The following SNX13 variants were observed in gnomAD, a reference collection of about 807,000 sequenced individuals.
The protein encoded by SNX13 is sorting nexin-13.
SNX13 carries 45 observed loss-of-function variants against 133.6 expected under a neutral mutation model. That is an observed-to-expected ratio of 0.34 (90% CI 0.27 to 0.43). SNX13 has a LOEUF of 0.43. Ranked by LOEUF, SNX13 falls within the 20% of genes least tolerant of loss-of-function variation. The pLI, the probability that SNX13 is intolerant of heterozygous loss-of-function variation, is 1.00. For missense variants in SNX13, 1,032 were observed against 1,145.1 expected, an observed-to-expected ratio of 0.90 and a Z score of 1.43; for synonymous variants, 414 against 373.9, an observed-to-expected ratio of 1.11 and a Z score of -1.24.
chr7:17,834,047 C>CT lies in SNX13; in HGVS notation c.1597+4dup. On this transcript the variant is annotated splice_donor_region_variant and intron_variant, in intron 15 of 25. Transcript: ENST00000428135. ...ATATTATGTGTAAAATGGGTGCCAC[C>CT]TTACCTCCATCCCCATCATCGGATC... The CT allele has an allele frequency of 6.5e-7, 1 of 1,539,652 alleles. No homozygotes were observed. Among genetic ancestry groups the CT allele is most frequent in the Non-Finnish European group, 8.8e-7 (1 of 1,136,656 alleles).
Position 17,875,562 on chromosome 7 carries a change from T to C in SNX13, c.582A>G (p.Val194=), listed in dbSNP as rs766653645. The C allele has an allele frequency of 1.9e-6, 3 of 1,611,838 alleles. No homozygotes were observed. Among genetic ancestry groups the C allele is most frequent in the South Asian group, 2.2e-5 (2 of 90,924 alleles). ...CAACTTCAACTTCAAAGAAGGTATC[T>C]ACAAGATCTTCTGCTGTACCTAAAG... is the stretch of plus-strand genomic sequence containing the variant. ...DQVKGTAEDL[V]DTFFEVEVEM... The change falls in exon 7 of 26, where the codon GTA becomes GTG. Residue 194 remains valine (V), a synonymous_variant. Coordinates refer to ENST00000428135, the MANE Select transcript of SNX13 (RefSeq NM_015132.5).
At chr7:17,819,970 G>A (rs574846770) in intron 18 of SNX13, among the ~76,000 whole-genome samples, 1 of 151,992 alleles carries the variant, frequency 6.6e-6, no homozygotes, top group African/African-American at 2.4e-5. Context: ...CACGTGAGCT[G>A]TTTGAAAAAG....
chr7:17,929,314 G>A (rs1247608294), intron 1 of SNX13, among the ~76,000 whole-genome samples: 3 of 152,082 alleles, frequency 2.0e-5, no homozygotes, highest in Non-Finnish European at 4.4e-5. Context: ...GTAACAGGCA[G>A]AAGACCCCAC....
At chr7:17,799,239 A>T in intron 22 of SNX13, 85 bp from the exon 23 acceptor site, 1 of 1,134,268 alleles carries the variant, frequency 8.8e-7, no homozygotes, top group Non-Finnish European at 1.2e-6. Context: ...GAAATGATTG[A>T]TATTTCACAA....
Position 17,803,532 on chromosome 7 carries a change from T to C in SNX13, c.2113A>G (p.Asn705Asp). The change falls in exon 21 of 26, where the codon AAT becomes GAT. Residue 705 changes from asparagine to aspartate, a missense_variant. By Grantham distance (23) the Asn-to-Asp change is conservative. Transcript: ENST00000428135. ...PLRNSMRNVSNAVKSLPDSLA... is the reference protein window; with the variant it reads ...PLRNSMRNVSDAVKSLPDSLA... ...CTATCAGGAAGGGATTTAACTGCAT[T>C]TGAAACATTCCTCATTGAATTGCGA... 1 of 1,612,024 alleles carries C rather than the reference T, an allele frequency of 6.2e-7. No individual in the cohort carries two copies. The highest frequency in any genetic ancestry group is 8.5e-7 in the Non-Finnish European group (1 of 1,179,074).
chr7:17,876,071 A>G (rs1794692574), intron 5 of SNX13, among the ~76,000 whole-genome samples: 1 of 152,246 alleles, frequency 6.6e-6, no homozygotes, highest in Non-Finnish European at 1.5e-5. Context: ...AATTTTTTCC[A>G]GTTAAATTTG....
intron 2 of SNX13, among the ~76,000 whole-genome samples, chr7:17,895,349 A>G (rs1388601431): frequency 6.6e-6 from 1 of 152,228 alleles, no homozygotes; most frequent in East Asian, 1.9e-4. Context: ...AGATGAAAGT[A>G]TCCTACAACA....
At chr7:17,916,584 A>G (rs1035905418) in intron 1 of SNX13, among the ~76,000 whole-genome samples, 3 of 152,106 alleles carry the variant, frequency 2.0e-5, no homozygotes, top group African/African-American at 7.2e-5. Flanking sequence ...GGAAACTCAC[A>G]AACTCCCAAA....
intron 18 of SNX13, among the ~76,000 whole-genome samples, chr7:17,818,657 G>A (rs1218143932): frequency 1.3e-5 from 2 of 151,818 alleles, no homozygotes; most frequent in Non-Finnish European, 2.9e-5. Flanking sequence ...TCAAAATTCA[G>A]CAAAAAAGAA....
intron 3 of SNX13, 63 bp from the exon 4 acceptor site, chr7:17,891,698 T>C (rs1796646649): frequency 8.2e-6 from 9 of 1,104,240 alleles, no homozygotes; most frequent in Non-Finnish European, 1.2e-5. Flanking sequence ...CCAGTTTAAT[T>C]CCAGTTGAAT....
At chr7:17,881,918 T>C (rs1052745068) in intron 5 of SNX13, 5 of 152,178 alleles carry the variant, frequency 3.3e-5, no homozygotes, top group Admixed American at 2.6e-4. Flanking sequence ...CAGTCATAAA[T>C]ACTACATGTT....
chr7:17,867,539 G>A (rs184072001), intron 9 of SNX13, among the ~76,000 whole-genome samples: 208 of 152,056 alleles, frequency 1.4e-3, no homozygotes, highest in African/African-American at 4.5e-3. Flanking sequence ...CCAAGGAGGC[G>A]GAGGCTGCAG....
intron 1 of SNX13, among the ~76,000 whole-genome samples, chr7:17,924,767 A>G (rs1482065482): frequency 6.6e-6 from 1 of 152,214 alleles, no homozygotes; most frequent in Non-Finnish European, 1.5e-5. Context: ...GTATATCCAT[A>G]CAATGGAATG....
chr7:17,833,176 A>G (rs1488153661), intron 15 of SNX13, among the ~76,000 whole-genome samples: 1 of 151,652 alleles, frequency 6.6e-6, no homozygotes, highest in African/African-American at 2.4e-5. Flanking sequence ...CTTAATAAAT[A>G]CTTCTGAATT....
At chr7:17,887,129 CATTT>C (rs1796097039) in intron 5 of SNX13, among the ~76,000 whole-genome samples, 1 of 152,162 alleles carries the variant, frequency 6.6e-6, no homozygotes. Flanking sequence ...CTAAAAATGT[CATTT>C]ACTGGTTGGC....
intron 13 of SNX13, among the ~76,000 whole-genome samples, chr7:17,836,256 C>T (rs1165527565): frequency 1.3e-5 from 2 of 151,988 alleles, no homozygotes; most frequent in African/African-American, 4.8e-5. Flanking sequence ...ATAGCTCATG[C>T]TTGTAATCCC....
At chr7:17,815,102 C>T (rs1786512409) in intron 19 of SNX13, among the ~76,000 whole-genome samples, 158 bp from the exon 20 acceptor site, 1 of 152,040 alleles carries the variant, frequency 6.6e-6, no homozygotes, top group Non-Finnish European at 1.5e-5. Flanking sequence ...AGGATAAAGT[C>T]ACCAATAATT....
At chr7:17,800,566 G>A (rs923045457) in intron 22 of SNX13, among the ~76,000 whole-genome samples, 6 of 151,674 alleles carry the variant, frequency 4.0e-5, no homozygotes, top group Non-Finnish European at 5.9e-5. Context: ...GAAAATTATA[G>A]GACATCTCTG....
chr7:17,839,740 C>A, intron 13 of SNX13, 67 bp downstream of exon 13: 1 of 1,319,726 alleles, frequency 7.6e-7, no homozygotes, highest in Non-Finnish European at 1.0e-6. Context: ...CTGGCATAAG[C>A]AATGGATTAC....
Sources: allele counts gnomAD v4.1 joint callset (sites outside exome capture counted in the v4.1 genomes callset), GRCh38; gene constraint gnomAD v4.1.1; transcripts MANE v1.5; gene names NCBI Gene and HGNC (gene_info 2026-07-23, HGNC 2026-07-21).